Variants in EXOC3L2 observed in about 807,000 individuals in gnomAD.
EXOC3L2 encodes the protein exocyst complex component 3 like 2, also known as exocyst complex component 3-like protein 2.
Under a neutral mutation model 44.4 loss-of-function variants are expected in EXOC3L2, and 17 were observed. The ratio of observed to expected loss-of-function variants is 0.38; its 90% CI spans 0.26 to 0.57. The LOEUF (loss-of-function observed/expected upper bound fraction) is 0.57. Ranked by LOEUF, EXOC3L2 falls within the 20% of genes least tolerant of loss-of-function variation. EXOC3L2 has a pLI of 0.65. For missense variants in EXOC3L2, 541 were observed against 588.4 expected (o/e 0.92, Z 0.83); for synonymous variants, 256 against 253.7 (o/e 1.01, Z -0.09).
intron 4 of EXOC3L2, among the ~76,000 whole-genome samples, chr19:45,228,521 A>C (rs1424336369): frequency 6.6e-6 from 1 of 152,080 alleles, no homozygotes; most frequent in South Asian, 2.1e-4. Context: ...TCACACATGT[A>C]ATCTCTTTGG....
intron 11 of EXOC3L2, among the ~76,000 whole-genome samples, chr19:45,215,766 GTCCCCTGCGGC>G (rs998626198): frequency 1.1e-4 from 16 of 152,264 alleles, no homozygotes; most frequent in African/African-American, 3.4e-4. Context: ...GTGTCCCTGA[GTCCCCTGCGGC>G]TCCCCTGCGG....
chr19:45,217,509 A>T lies in EXOC3L2; in HGVS notation c.1998+19T>A. 6.4e-7 allele frequency: 1 copy of T among 1,560,864 alleles called. No homozygotes were observed. Among genetic ancestry groups the T allele is most frequent in the East Asian group, 2.5e-5 (1 of 40,614 alleles). On this transcript the variant is annotated intron_variant, in intron 10 of 11. Transcript: ENST00000413988. ...TGTCCTGGTTTCTGAAACACCCCCA[A>T]CCGCGTCCCGACACTGACCAGCCGC...
intron 8 of EXOC3L2, among the ~76,000 whole-genome samples, chr19:45,222,171 T>C (rs1291324743): frequency 6.6e-6 from 1 of 150,834 alleles, no homozygotes; most frequent in African/African-American, 2.4e-5. Context: ...GTCCTGTCTC[T>C]TCATGTCTCT....
At chr19:45,229,935 T>C (rs1970012591) in intron 4 of EXOC3L2, among the ~76,000 whole-genome samples, 1 of 149,090 alleles carries the variant, frequency 6.7e-6, no homozygotes, top group South Asian at 2.1e-4. Flanking sequence ...TATGTTAATA[T>C]GTATACACAA....
At chr19:45,239,399 G>T (rs1056188814) in intron 1 of EXOC3L2, among the ~76,000 whole-genome samples, 3 of 150,988 alleles carry the variant, frequency 2.0e-5, no homozygotes, top group Non-Finnish European at 2.9e-5. Flanking sequence ...TGTATTTTTA[G>T]TAGAGACGGG....
chr19:45,221,760 A>G (rs991509537), intron 8 of EXOC3L2, among the ~76,000 whole-genome samples: 8 of 143,948 alleles, frequency 5.6e-5, no homozygotes, highest in Non-Finnish European at 4.5e-5. Flanking sequence ...CGATCCTCCC[A>G]CTTCAGCCTC....
At chr19:45,236,201 G>A (rs962727887) in intron 2 of EXOC3L2, among the ~76,000 whole-genome samples, 15 of 152,042 alleles carry the variant, frequency 9.9e-5, no homozygotes, top group African/African-American at 3.1e-4. Context: ...GCCGAGTGCG[G>A]TGGCTCATGC....
At chr19:45,218,158 T>TTGCG in intron 9 of EXOC3L2, 39 bp downstream of exon 9, 2 of 1,034,906 alleles carry the variant, frequency 1.9e-6, no homozygotes, top group Non-Finnish European at 2.7e-6. Context: ...TCCCCTCTTT[T>TTGCG]CCCCCACCCC....
intron 7 of EXOC3L2, among the ~76,000 whole-genome samples, chr19:45,226,844 C>G (rs1969967956): frequency 6.7e-6 from 1 of 150,178 alleles, no homozygotes; most frequent in African/African-American, 2.5e-5. Flanking sequence ...GCTCCGCCTC[C>G]CAGGTTCACG....
chr19:45,225,354 C>T (rs959390124), intron 7 of EXOC3L2, among the ~76,000 whole-genome samples: 1 of 151,850 alleles, frequency 6.6e-6, no homozygotes, highest in East Asian at 1.9e-4. Flanking sequence ...CTGTAAGTTC[C>T]GCCTCCCAGG....
At chr19:45,231,271 C>T (rs1006424946) in intron 4 of EXOC3L2, among the ~76,000 whole-genome samples, 7 of 152,068 alleles carry the variant, frequency 4.6e-5, no homozygotes, top group East Asian at 3.9e-4. Flanking sequence ...TTCTGCTCAG[C>T]GGTGTCTGTG....
Position 45,234,890 on chromosome 19 carries a change from G to A in EXOC3L2, c.524-64C>T. On this transcript the variant is annotated intron_variant, in intron 2 of 11. Transcript: ENST00000413988. This position sits in a 1 kb window ranked among gnomAD's most constrained non-coding sequence, Gnocchi z 5.0. ...GGAGGAGGGCGATGCCGGACGCGGGGTTGGGGGTGCTTAGGAAGGGGAGAG... is the reference window on the plus strand; with the variant it reads ...GGAGGAGGGCGATGCCGGACGCGGGATTGGGGGTGCTTAGGAAGGGGAGAG... 2 of 382,600 alleles carry A rather than the reference G, an allele frequency of 5.2e-6. No individual in the cohort carries two copies. The highest frequency in any genetic ancestry group is 9.3e-6 in the Non-Finnish European group (2 of 215,626). The allele number at this position is 382,600 out of a possible 1,614,324, so 23.7% of individuals were successfully genotyped here.
rs1970105410 is a variant in EXOC3L2 at position 45,238,770 on chromosome 19, C to T, written c.276G>A (p.Val92=). ...DGQPRSFLGR[V]LVPGIRRSSA... is the part of the protein sequence containing the mutation. Reference sequence around the variant, plus strand: ...AGCTCCTGCGTATCCCTGGTACCAGCACACGGCCCAAGAAAGAGCGGGGCT... The same window carrying T: ...AGCTCCTGCGTATCCCTGGTACCAGTACACGGCCCAAGAAAGAGCGGGGCT... Residue 92 remains valine (V), a synonymous_variant, in exon 2 of 12, where the codon GTG becomes GTA. Coordinates refer to ENST00000413988, the MANE Select transcript of EXOC3L2 (RefSeq NM_001382422.1). This position sits in a 1 kb window ranked among gnomAD's most constrained non-coding sequence, Gnocchi z 5.5. The T allele has an allele frequency of 2.5e-6, 1 of 398,918 alleles. No homozygotes were observed. Among genetic ancestry groups the T allele is most frequent in the East Asian group, 3.6e-5 (1 of 28,076 alleles). The allele number at this position is 398,918 out of a possible 1,614,324, so 24.7% of individuals were successfully genotyped here.
At chr19:45,219,782 G>A (rs577672702) in intron 8 of EXOC3L2, among the ~76,000 whole-genome samples, 2 of 152,136 alleles carry the variant, frequency 1.3e-5, no homozygotes, top group African/African-American at 2.4e-5. Context: ...TTCTTCCACT[G>A]GTAAATGAAG....
intron 2 of EXOC3L2, among the ~76,000 whole-genome samples, chr19:45,237,546 C>T (rs985159075): frequency 2.6e-5 from 4 of 151,918 alleles, no homozygotes; most frequent in African/African-American, 9.7e-5. Flanking sequence ...ATGAGCTGTA[C>T]GAGAAGCATA....
Position 45,224,876 on chromosome 19 carries a change from C to A in EXOC3L2, c.1621G>T (p.Glu541Ter). 6.4e-7 allele frequency: 1 copy of A among 1,571,976 alleles called. No individual in the cohort carries two copies. The highest frequency in any genetic ancestry group is 1.2e-5 in the South Asian group (1 of 85,772). Reference sequence around the variant, plus strand: ...GATGCTTCCCGGGCCGGCTCGCTTTCTGGGGGCCCCACCCGGGCCAGGCGC... The same window carrying A: ...GATGCTTCCCGGGCCGGCTCGCTTTATGGGGGCCCCACCCGGGCCAGGCGC... Reference protein sequence around the residue: ...AERLARVGPPESEPAREASAS... With the variant: ...AERLARVGPP Residue 541 changes from glutamate (E) to a stop codon, truncating the protein, a stop_gained, in exon 8 of 12, where the codon GAA becomes TAA. Coordinates refer to ENST00000413988, the MANE Select transcript of EXOC3L2 (RefSeq NM_001382422.1). LOFTEE classifies it high-confidence loss of function.
chr19:45,217,658 C>T lies in EXOC3L2; in HGVS notation c.1868G>A (p.Arg623Gln), dbSNP rs1399695651. The T allele has an allele frequency of 2.8e-6, 4 of 1,421,106 alleles. No individual in the cohort carries two copies. Among genetic ancestry groups the T allele is most frequent in the South Asian group, 3.0e-5 (2 of 66,730 alleles). 88.0% of individuals were successfully genotyped at this position (1,421,106 alleles called of 1,614,324 possible). A position where few individuals can be genotyped will look rare whatever the true frequency, so the allele number is the denominator to read the frequency against. Residue 623 changes from arginine to glutamine, a missense_variant, in exon 10 of 12, where the codon CGG becomes CAG. By Grantham distance (43) the Arg-to-Gln change is conservative (BLOSUM62 1). Coordinates refer to ENST00000413988, the MANE Select transcript of EXOC3L2 (RefSeq NM_001382422.1). ...YQALVAELHR[R>Q]ALVEYVRPLL... is the part of the protein sequence containing the mutation. ...GGGCCGCACGTACTCGACCAGCGCC[C>T]GCCGGTGTAGCTCGGCTACCAGCGC... is the stretch of plus-strand genomic sequence containing the variant.
At chr19:45,231,898 G>A in intron 3 of EXOC3L2, 24 bp from the exon 4 acceptor site, 1 of 1,534,066 alleles carries the variant, frequency 6.5e-7, no homozygotes. Context: ...TGAGAGAAAA[G>A]GAGGTCTGTG....
At chr19:45,230,167 C>A (rs1005142388) in intron 4 of EXOC3L2, among the ~76,000 whole-genome samples, 1 of 151,756 alleles carries the variant, frequency 6.6e-6, no homozygotes, top group Non-Finnish European at 1.5e-5. Flanking sequence ...ACTACAGGCA[C>A]GTGCCACCAC....
Sources: gnomAD v4.1 joint callset for allele counts (sites outside exome capture counted in the v4.1 genomes callset) on GRCh38, gnomAD v4.1.1 for gene constraint, Gnocchi (gnomAD v3.1) non-coding constraint, MANE v1.5 for transcripts, NCBI Gene and HGNC (gene_info 2026-07-23, HGNC 2026-07-21) for gene names.